PPFIA2: variants seen among roughly 807,000 people sequenced by gnomAD.
PPFIA2 encodes the protein PPFI scaffold protein A2.
In PPFIA2, 46 loss-of-function variants were observed where a neutral mutation model predicts 175.5. That is an observed-to-expected ratio of 0.26 (90% CI 0.21 to 0.34). The LOEUF is 0.34. Among genes scored for constraint, PPFIA2 ranks in the 10% least tolerant of loss-of-function variants. PPFIA2 has a pLI of 1.00. For missense variants in PPFIA2, 1,179 were observed against 1,506.1 expected, an observed-to-expected ratio of 0.78 and a Z score of 3.60; for synonymous variants, 568 against 511.4, an observed-to-expected ratio of 1.11 and a Z score of -1.49.
intron 8 of PPFIA2, among the ~76,000 whole-genome samples, chr12:81,395,091 A>G (rs1407007858): frequency 2.0e-5 from 3 of 152,084 alleles, no homozygotes; most frequent in African/African-American, 4.8e-5. Flanking sequence ...GAAAATACCA[A>G]GAGTATAGCA....
At chr12:81,391,882 T>C (rs759537933) in intron 8 of PPFIA2, among the ~76,000 whole-genome samples, 6 of 151,892 alleles carry the variant, frequency 4.0e-5, no homozygotes, top group Non-Finnish European at 7.4e-5. Flanking sequence ...GAGACCATTG[T>C]AGCTAGAATG....
chr12:81,611,151 G>GC (rs2060865556), intron 4 of PPFIA2, among the ~76,000 whole-genome samples: 1 of 152,070 alleles, frequency 6.6e-6, no homozygotes, highest in Non-Finnish European at 1.5e-5. Context: ...CGGGCCTTGT[G>GC]GGGAGCCCTC....
rs188149053 is a variant in PPFIA2 at position 81,687,720 on chromosome 12, C to A, written c.250-10876G>T. On this transcript the variant is annotated intron_variant, in intron 3 of 32. Coordinates refer to ENST00000549396, the MANE Select transcript of PPFIA2 (RefSeq NM_003625.5). Reference sequence around the variant, plus strand: ...TGTTCTTTACAGAAAATAAATCAATCTATGTCCTAGTACACAAATTAGAAA... The same window carrying A: ...TGTTCTTTACAGAAAATAAATCAATATATGTCCTAGTACACAAATTAGAAA... 4.7e-4 allele frequency among the ~76,000 whole-genome samples: 71 copies of A among 151,992 alleles called. 1 individual carries two copies. In the East Asian group the frequency reaches 0.011, roughly 23 times the overall value.
intron 4 of PPFIA2, among the ~76,000 whole-genome samples, chr12:81,655,160 T>A (rs1338008082): frequency 1.3e-5 from 2 of 152,064 alleles, no homozygotes. Context: ...ATACTCTTAC[T>A]GAGTTCTGCT....
intron 4 of PPFIA2, among the ~76,000 whole-genome samples, chr12:81,551,840 A>T (rs2067981313): frequency 6.6e-6 from 1 of 151,886 alleles, no homozygotes; most frequent in Non-Finnish European, 1.5e-5. Flanking sequence ...ACTCATTCTC[A>T]AAAAGAACAA....
chr12:81,651,799 A>G (rs1190919307), intron 4 of PPFIA2, among the ~76,000 whole-genome samples: 3 of 152,108 alleles, frequency 2.0e-5, no homozygotes, highest in Non-Finnish European at 4.4e-5. Context: ...ATTTCTTAGG[A>G]CTTCATTCCT....
chr12:81,620,065 CAGG>C (rs1464315214), intron 4 of PPFIA2, among the ~76,000 whole-genome samples: 1 of 145,116 alleles, frequency 6.9e-6, no homozygotes, highest in Admixed American at 7.4e-5. Context: ...GAGGCTGAGG[CAGG>C]AGAACGGCGT....
chr12:81,433,038 GA>G (rs919557244), intron 7 of PPFIA2, among the ~76,000 whole-genome samples: 6 of 147,130 alleles, frequency 4.1e-5, no homozygotes, highest in Non-Finnish European at 9.0e-5. Flanking sequence ...AAAAAAAACA[GA>G]AAAAAACCCA....
In PPFIA2 at chr12:81,269,355, A is replaced by AT. The variant is rs896134066; in HGVS notation, c.3311-1269dup. 6.6e-4 allele frequency among the ~76,000 whole-genome samples: 100 copies of AT among 152,170 alleles called. 1 individual carries two copies. The highest frequency in any genetic ancestry group is 6.8e-3 in the Middle Eastern group (2 of 294). Reference sequence around the variant, plus strand: ...AAAGTAAAAGTAAGTTTTCCTGTCCATTTTTTTTCTTTCTAATGAAGTGCC... The same window carrying AT: ...AAAGTAAAAGTAAGTTTTCCTGTCCATTTTTTTTTCTTTCTAATGAAGTGCC... On this transcript the variant is annotated intron_variant, in intron 28 of 32. Transcript: ENST00000549396.
intron 4 of PPFIA2, among the ~76,000 whole-genome samples, chr12:81,600,947 T>C (rs946664517): frequency 6.6e-6 from 1 of 151,986 alleles, no homozygotes; most frequent in Non-Finnish European, 1.5e-5. Context: ...TCCCTTGTTA[T>C]TGTAGAGGAA....
chr12:81,671,283 T>C (rs1241156747), intron 4 of PPFIA2, among the ~76,000 whole-genome samples: 3 of 151,994 alleles, frequency 2.0e-5, no homozygotes, highest in Non-Finnish European at 4.4e-5. Context: ...CCTATTCTTG[T>C]ATGTTCACCA....
At chr12:81,364,756 G>A (rs1277882547) in intron 14 of PPFIA2, among the ~76,000 whole-genome samples, 1 of 151,710 alleles carries the variant, frequency 6.6e-6, no homozygotes, top group East Asian at 1.9e-4. Context: ...CTATATTTTG[G>A]CTATATCGTG....
chr12:81,427,034 A>G (rs2047252607), intron 7 of PPFIA2, among the ~76,000 whole-genome samples: 2 of 152,052 alleles, frequency 1.3e-5, no homozygotes, highest in South Asian at 2.1e-4. Flanking sequence ...GTTTAATTTG[A>G]TTAATTGATT....
At chr12:81,533,692 AATCT>A (rs5799538) in intron 4 of PPFIA2, among the ~76,000 whole-genome samples, 7,564 of 144,362 alleles carry the variant, frequency 0.052, 241 homozygotes, top group Middle Eastern at 0.11. Context: ...TAAATTCACA[AATCT>A]ATCTATCTAT....
chr12:81,525,856 T>C (rs2063671361), intron 4 of PPFIA2, among the ~76,000 whole-genome samples: 1 of 152,174 alleles, frequency 6.6e-6, no homozygotes. Context: ...CCATATCTCA[T>C]TTATAAAATT....
At chr12:81,687,878 CAT>C (rs1344513771) in intron 3 of PPFIA2, among the ~76,000 whole-genome samples, 4 of 151,632 alleles carry the variant, frequency 2.6e-5, no homozygotes, top group Non-Finnish European at 4.4e-5. Context: ...TCTAGTTACA[CAT>C]GTGTAAAATA....
At chr12:81,497,899 C>T (rs2060201477) in intron 4 of PPFIA2, among the ~76,000 whole-genome samples, 1 of 152,120 alleles carries the variant, frequency 6.6e-6, no homozygotes, top group Admixed American at 6.6e-5. Flanking sequence ...TAAAGAGTTT[C>T]CTTCACCTTC....
intron 26 of PPFIA2, among the ~76,000 whole-genome samples, 173 bp from the exon 27 acceptor site, chr12:81,281,623 C>A (rs1053631650): frequency 5.3e-5 from 8 of 152,024 alleles, no homozygotes; most frequent in Non-Finnish European, 1.2e-4. Context: ...ACTCTGCATA[C>A]ATTTATTAAA....
At chr12:81,632,743 G>A (rs1189505037) in intron 4 of PPFIA2, among the ~76,000 whole-genome samples, 1 of 151,206 alleles carries the variant, frequency 6.6e-6, no homozygotes, top group Non-Finnish European at 1.5e-5. Flanking sequence ...AGCTGTTTTA[G>A]TGTCTGAGCC....
Sources: allele counts gnomAD v4.1 joint callset (sites outside exome capture counted in the v4.1 genomes callset), GRCh38; gene constraint gnomAD v4.1.1; transcripts MANE v1.5; gene names NCBI Gene and HGNC (gene_info 2026-07-23, HGNC 2026-07-21).